MX2: variants seen among roughly 807,000 people sequenced by gnomAD.
The protein encoded by MX2 is MX dynamin like GTPase 2.
A neutral mutation model predicts 74.0 loss-of-function variants in MX2; 51 were observed. That is an observed-to-expected ratio of 0.69 (90% CI 0.55 to 0.87). MX2 has a LOEUF of 0.87. Among genes scored for constraint, MX2 ranks in the 40% least tolerant of loss-of-function variants. MX2 has a pLI of 0.00. For synonymous variants in MX2, 369 were observed against 339.3 expected, an observed-to-expected ratio of 1.09 and a Z score of -0.96; for missense variants, 832 against 908.7, an observed-to-expected ratio of 0.92 and a Z score of 1.09.
chr21:41,399,911 G>A (rs1223465992), intron 10 of MX2: 1 of 153,232 alleles, frequency 6.5e-6, no homozygotes, highest in Non-Finnish European at 1.5e-5. Context: ...ATGCCCACCT[G>A]AGGAATTCGC....
intron 12 of MX2, among the ~76,000 whole-genome samples, chr21:41,405,293 G>A (rs1161661478): frequency 1.3e-5 from 2 of 151,854 alleles, no homozygotes; most frequent in African/African-American, 4.8e-5. Context: ...GAAACTCAAA[G>A]CCAGGACATG....
chr21:41,370,377 G>C (rs983268439), intron 1 of MX2: 2 of 152,274 alleles, frequency 1.3e-5, no homozygotes, highest in Admixed American at 1.3e-4. Flanking sequence ...GGGCCAGCAT[G>C]GGGGTGCATT....
intron 5 of MX2, 119 bp from the exon 6 acceptor site, chr21:41,390,446 C>T: frequency 2.8e-6 from 4 of 1,442,100 alleles, no homozygotes; most frequent in Non-Finnish European, 3.8e-6. Context: ...TAGCAAAGCC[C>T]AGAGTCACAC....
Position 41,368,595 on chromosome 21 carries a change from T to TA in MX2, c.-72+6542dup, listed in dbSNP as rs1440104110. ...TGCCCAGCTCCTGTCCTCTCAAACT[T>TA]AATCAGCTCATGATACGCTTAGCAA... is the stretch of plus-strand genomic sequence containing the variant. On this transcript the variant is annotated intron_variant, in intron 1 of 13. Coordinates refer to ENST00000330714, the MANE Select transcript of MX2 (RefSeq NM_002463.2). The surrounding 1 kb of genome is among the most constrained non-coding windows in gnomAD (Gnocchi z 4.6). Among the ~76,000 whole-genome samples the TA allele has an allele frequency of 6.6e-6, 1 of 152,174 alleles. No homozygotes were observed. The highest frequency in any genetic ancestry group is 1.9e-4 in the East Asian group (1 of 5,196).
intron 3 of MX2, among the ~76,000 whole-genome samples, chr21:41,378,198 C>T (rs7277263): frequency 8.6e-5 from 8 of 92,556 alleles, no homozygotes; most frequent in South Asian, 3.3e-4. Context: ...GGGAGAGACA[C>T]GTTGCTGGGA....
chr21:41,375,298 A>G (rs1568933391), intron 1 of MX2, among the ~76,000 whole-genome samples: 1 of 152,232 alleles, frequency 6.6e-6, no homozygotes, highest in Non-Finnish European at 1.5e-5. Flanking sequence ...CTTGATCACC[A>G]CAATAACCAC....
chr21:41,404,809 C>T (rs760484825), intron 12 of MX2: 2 of 150,602 alleles, frequency 1.3e-5, no homozygotes, highest in Admixed American at 1.3e-4. Context: ...GTTAACTTTC[C>T]CTTTAGTATA....
chr21:41,408,191 G>T lies in MX2; in HGVS notation c.2106G>T (p.Ala702=). 6.2e-7 allele frequency: 1 copy of T among 1,614,206 alleles called. No homozygotes were observed. Among genetic ancestry groups the T allele is most frequent in the Non-Finnish European group, 8.5e-7 (1 of 1,180,040 alleles). ...AGAGAATTTACCGGCTCACTCAGGC[G>T]CGACACGCACTCTGTCAATTCTCCA... ...LKERIYRLTQ[A]RHALCQFSSK... Residue 702 remains alanine (A), a synonymous_variant, in exon 14 of 14, where the codon GCG becomes GCT. Coordinates refer to ENST00000330714, the MANE Select transcript of MX2 (RefSeq NM_002463.2).
At chr21:41,385,512 C>T (rs1433262000) in intron 5 of MX2, among the ~76,000 whole-genome samples, 1 of 152,196 alleles carries the variant, frequency 6.6e-6, no homozygotes, top group Non-Finnish European at 1.5e-5. Context: ...TGTGCCTTTG[C>T]TCCTCCCTTC....
At chr21:41,364,557 T>C (rs891186674) in intron 1 of MX2, 1 of 152,426 alleles carries the variant, frequency 6.6e-6, no homozygotes, top group African/African-American at 2.4e-5. Flanking sequence ...CTACTTTCAG[T>C]CACTACGTAC....
intron 8 of MX2, among the ~76,000 whole-genome samples, chr21:41,398,559 A>G (rs2089765624): frequency 6.6e-6 from 1 of 152,246 alleles, no homozygotes; most frequent in South Asian, 2.1e-4. Flanking sequence ...AGATGATTCC[A>G]GATCCTAGGA....
chr21:41,397,350 G>A (rs1326707491), intron 7 of MX2, among the ~76,000 whole-genome samples: 2 of 152,234 alleles, frequency 1.3e-5, no homozygotes, highest in Non-Finnish European at 2.9e-5. Context: ...ATCTCCATGA[G>A]GCTGGGTTTG....
Position 41,402,034 on chromosome 21 carries a change from G to A in MX2, c.1479G>A (p.Leu493=). 1 of 1,614,126 alleles carries A rather than the reference G, an allele frequency of 6.2e-7. No individual in the cohort carries two copies. Among genetic ancestry groups the A allele is most frequent in the Non-Finnish European group, 8.5e-7 (1 of 1,180,030 alleles). Residue 493 remains leucine, a synonymous_variant, in exon 11 of 14, where the codon CTG becomes CTA. Transcript: ENST00000330714. The surrounding 1 kb of genome is among the most constrained non-coding windows in gnomAD (Gnocchi z 4.5). The part of the protein sequence containing the change: ...YEKQYRGKEL[L]GFVNYKTFEI... ...AGCAGTATCGAGGCAAGGAGCTTCT[G>A]GGATTTGTCAACTACAAGACATTTG...
intron 7 of MX2, 83 bp downstream of exon 7, chr21:41,395,868 G>A (rs1477071130): frequency 2.2e-6 from 3 of 1,368,218 alleles, no homozygotes; most frequent in South Asian, 1.2e-5. Context: ...CATGACCAAA[G>A]TGTATGCACA....
rs2089778081 is a variant in MX2 at position 41,399,230 on chromosome 21, T to C, written c.1307T>C (p.Leu436Ser). The C allele has an allele frequency of 6.2e-7, 1 of 1,613,758 alleles. No homozygotes were observed. Among genetic ancestry groups the C allele is most frequent in the South Asian group, 1.1e-5 (1 of 91,060 alleles). Residue 436 changes from leucine (L) to serine (S), a missense_variant, in exon 10 of 14, where the codon TTA (leucine) becomes TCA (serine). Physicochemically the swap from Leu to Ser is moderately radical, Grantham distance 145. Coordinates refer to ENST00000330714, the MANE Select transcript of MX2 (RefSeq NM_002463.2). Reference sequence around the variant, plus strand: ...ATGTTTAATCAGGACATCGAAAAGTTAGTAGAAGGAGAAGAAGTTGTAAGG... The same window carrying C: ...ATGTTTAATCAGGACATCGAAAAGTCAGTAGAAGGAGAAGAAGTTGTAAGG... ...IKMFNQDIEK[L>S]VEGEEVVREN...
In MX2 at chr21:41,403,298, C is replaced by T; in HGVS notation, c.1605C>T (p.Ala535=). The part of the protein sequence containing the change: ...EIIQQAFINV[A]KKHFGEFFNL... ...TCCAGCAAGCTTTCATTAACGTGGCCAAAAAACATTTTGGCGAATTTTTCA... is the reference window on the plus strand; with the variant it reads ...TCCAGCAAGCTTTCATTAACGTGGCTAAAAAACATTTTGGCGAATTTTTCA... Residue 535 remains alanine, a synonymous_variant, in exon 12 of 14, where the codon GCC becomes GCT. Transcript: ENST00000330714. The T allele has an allele frequency of 6.2e-7, 1 of 1,613,566 alleles. No individual in the cohort carries two copies. Among genetic ancestry groups the T allele is most frequent in the Non-Finnish European group, 8.5e-7 (1 of 1,179,762 alleles).
rs548935654 is a variant in MX2 at position 41,402,429 on chromosome 21, C to T, written c.1573+301C>T. ...CTGTCCTTCAAACACGTGGAGGAGGCGGGGAAGATGGTTTCTCTTGTCTTT... is the reference window on the plus strand; with the variant it reads ...CTGTCCTTCAAACACGTGGAGGAGGTGGGGAAGATGGTTTCTCTTGTCTTT... On this transcript the variant is annotated intron_variant, in intron 11 of 13. Transcript: ENST00000330714. This position sits in a 1 kb window ranked among gnomAD's most constrained non-coding sequence, Gnocchi z 4.5. Among the ~76,000 whole-genome samples the T allele has an allele frequency of 1.8e-4, 27 of 152,266 alleles. No homozygotes were observed. Among genetic ancestry groups the T allele is most frequent in the African/African-American group, 5.5e-4 (23 of 41,544 alleles).
At chr21:41,400,927 G>A (rs547754740) in intron 10 of MX2, 28 of 152,310 alleles carry the variant, frequency 1.8e-4, no homozygotes, top group Non-Finnish European at 3.2e-4. Flanking sequence ...GGCTGGTCTC[G>A]AACTCCTGAC....
At chr21:41,390,320 CAG>C (rs1399505175) in intron 5 of MX2, 5 of 475,478 alleles carry the variant, frequency 1.1e-5, no homozygotes, top group East Asian at 3.6e-5. Flanking sequence ...TTGCAGGAAT[CAG>C]GGGGTCTTCA....
Sources: allele counts gnomAD v4.1 joint callset (sites outside exome capture counted in the v4.1 genomes callset), GRCh38; gene constraint gnomAD v4.1.1; non-coding constraint Gnocchi (gnomAD v3.1); transcripts MANE v1.5; gene names NCBI Gene and HGNC (gene_info 2026-07-23, HGNC 2026-07-21).